The following CFAP54 variants were observed in gnomAD, a reference collection of about 807,000 sequenced individuals.
CFAP54 encodes cilia and flagella associated protein 54, also known as cilia- and flagella-associated protein 54.
CFAP54 carries 290 observed loss-of-function variants against 370.4 expected under a neutral mutation model. The ratio of observed to expected loss-of-function variants is 0.78; its 90% CI spans 0.71 to 0.86. CFAP54 has a LOEUF of 0.86. CFAP54 is among the 40% of genes least tolerant of loss of function. The pLI is 0.00. For missense variants in CFAP54, 3,399 were observed against 3,528.7 expected (o/e 0.96, Z 0.93); for synonymous variants, 1,206 against 1,236.5 (o/e 0.98, Z 0.52).
Position 96,568,949 on chromosome 12 carries a change from G to A in CFAP54, c.2619+4184G>A, listed in dbSNP as rs140243836. On this transcript the variant is annotated intron_variant, in intron 19 of 67. Transcript: ENST00000524981. ...TGGGGATTCATTTTTCCATTTTCTT[G>A]TCTTGGTTATTTGACCTCTGGAAGT... Among the ~76,000 whole-genome samples the A allele has an allele frequency of 1.0e-4, 15 of 148,696 alleles. No individual in the cohort carries two copies. In the East Asian group the frequency reaches 3.0e-3, roughly 29 times the overall value.
At chr12:96,499,982 C>CAAAAG (rs374958401) in intron 1 of CFAP54, among the ~76,000 whole-genome samples, 5 of 146,554 alleles carry the variant, frequency 3.4e-5, no homozygotes, top group African/African-American at 1.3e-4. Context: ...CAAAACAAAA[C>CAAAAG]AAAAAAAACC....
At chr12:96,492,262 C>G (rs1341587924) in intron 1 of CFAP54, among the ~76,000 whole-genome samples, 1 of 152,166 alleles carries the variant, frequency 6.6e-6, no homozygotes, top group Admixed American at 6.5e-5. Flanking sequence ...TTGGAATAAA[C>G]TTAAGAATTC....
Position 96,609,478 on chromosome 12 carries a change from T to C in CFAP54, c.3639+10711T>C, listed in dbSNP as rs547737692. ...ATTTACCAACATTTTACAGCAAATATCATACTGAATGGCAATTTTCTGGAG... is the reference window on the plus strand; with the variant it reads ...ATTTACCAACATTTTACAGCAAATACCATACTGAATGGCAATTTTCTGGAG... On this transcript the variant is annotated intron_variant, in intron 26 of 67. Transcript: ENST00000524981. Among the ~76,000 whole-genome samples, 13 of 152,302 alleles carry C rather than the reference T, an allele frequency of 8.5e-5. No homozygotes were observed. The South Asian group carries it at 1.9e-3, about 22-fold the overall frequency.
At chr12:96,803,522 G>A (rs137994042) in intron 63 of CFAP54, among the ~76,000 whole-genome samples, 71 of 152,190 alleles carry the variant, frequency 4.7e-4, no homozygotes, top group African/African-American at 1.7e-3. Context: ...CACCAGTGGG[G>A]TCTGGAGGCG....
Position 96,580,941 on chromosome 12 carries a change from G to A in CFAP54, c.2911G>A (p.Val971Ile), listed in dbSNP as rs1025059370. Residue 971 changes from valine to isoleucine, a missense_variant, in exon 22 of 68, where the codon GTT becomes ATT. Physicochemically the swap from Val to Ile is conservative, Grantham distance 29. Around this residue, in one of 3 missense-constraint regions of CFAP54, gnomAD observed 2,796 missense variants for 2,869.7 expected, o/e 0.97. Coordinates refer to ENST00000524981, the MANE Select transcript of CFAP54 (RefSeq NM_001306084.2). ...ATAGATACCAGCTGACGGTAAAAGTGTTTTTGAAGTGAAAGGTTTAGAAAC... is the reference window on the plus strand; with the variant it reads ...ATAGATACCAGCTGACGGTAAAAGTATTTTTGAAGTGAAAGGTTTAGAAAC... ...GEAIPADGKS[V>I]FEVKGLETNE... 2.2e-5 allele frequency: 33 copies of A among 1,513,240 alleles called. No individual in the cohort carries two copies. The highest frequency in any genetic ancestry group is 2.6e-5 in the Non-Finnish European group (30 of 1,136,454). The allele number at this position is 1,513,240 out of a possible 1,614,324, so 93.7% of individuals were successfully genotyped here. A position where few individuals can be genotyped will look rare whatever the true frequency, so the allele number is the denominator to read the frequency against.
rs372710737 is a variant in CFAP54, at chr12:96,686,712, C to T, written c.6014+1474C>T. On this transcript the variant is annotated intron_variant, in intron 42 of 67. Coordinates refer to ENST00000524981, the MANE Select transcript of CFAP54 (RefSeq NM_001306084.2). Reference sequence around the variant, plus strand: ...TCCACCACCATGATCCTAACACCTCCTGTCAGGCCCCACCTCCAATACTGG... The same window carrying T: ...TCCACCACCATGATCCTAACACCTCTTGTCAGGCCCCACCTCCAATACTGG... 2.0e-5 allele frequency among the ~76,000 whole-genome samples: 3 copies of T among 152,248 alleles called. 1 individual carries two copies.
chr12:96,839,938 G>T (rs1027575150), intron 66 of CFAP54, among the ~76,000 whole-genome samples: 3 of 152,214 alleles, frequency 2.0e-5, no homozygotes, highest in African/African-American at 7.2e-5. Flanking sequence ...AGCCTCACAA[G>T]AGAACGAAGT....
At chr12:96,850,769 AGCAAGAGAGAGAGCATGGCAGCAG>A (rs1242542336) in intron 66 of CFAP54, among the ~76,000 whole-genome samples, 1 of 152,208 alleles carries the variant, frequency 6.6e-6, no homozygotes, top group Non-Finnish European at 1.5e-5. Context: ...AGGGGAATCA[AGCAAGAGAGAGAGCATGGCAGCAG>A]GCAAGAGAGA....
At chr12:96,546,512 G>A (rs1955641807) in intron 14 of CFAP54, among the ~76,000 whole-genome samples, 1 of 151,974 alleles carries the variant, frequency 6.6e-6, no homozygotes, top group Non-Finnish European at 1.5e-5. Flanking sequence ...TCTACATTAT[G>A]CATTACTGAT....
chr12:96,551,578 T>G (rs1017598782), intron 15 of CFAP54, among the ~76,000 whole-genome samples: 3 of 151,602 alleles, frequency 2.0e-5, no homozygotes, highest in Non-Finnish European at 4.4e-5. Flanking sequence ...CCAGGATGAT[T>G]TAACACTAGA....
rs1565905454 is a variant in CFAP54, at chr12:96,589,472, T to C, written c.3121T>C (p.Ser1041Pro). The change falls in exon 23 of 68, where the codon TCA becomes CCA. Residue 1041 changes from serine to proline, a missense_variant. Around this residue, in one of 3 missense-constraint regions of CFAP54, gnomAD observed 2,796 missense variants for 2,869.7 expected, o/e 0.97. Transcript: ENST00000524981. ...CTATGAATTGGCTAAGAAAGTTTTC[T>C]CACCAGTTTGGGATTATTTTGTTGC... Reference protein sequence around the residue: ...GNYELAKKVFSPVWDYFVASP... With the variant: ...GNYELAKKVFPPVWDYFVASP... The C allele has an allele frequency of 3.3e-6, 5 of 1,532,258 alleles. No individual in the cohort carries two copies. The highest frequency in any genetic ancestry group is 1.7e-4 in the Middle Eastern group (1 of 5,982). 94.9% of individuals were successfully genotyped at this position (1,532,258 alleles called of 1,614,324 possible).
chr12:96,693,250 T>C (rs1957404812), intron 44 of CFAP54, among the ~76,000 whole-genome samples: 1 of 152,244 alleles, frequency 6.6e-6, no homozygotes, highest in African/African-American at 2.4e-5. Flanking sequence ...AGACAAATTC[T>C]AATTGAAGAC....
chr12:96,782,704 T>G (rs1040249584), intron 60 of CFAP54, among the ~76,000 whole-genome samples: 1 of 152,138 alleles, frequency 6.6e-6, no homozygotes, highest in Non-Finnish European at 1.5e-5. Context: ...AGTTCAGTAG[T>G]TTTATTTTGT....
intron 15 of CFAP54, among the ~76,000 whole-genome samples, chr12:96,552,714 C>A (rs1851901183): frequency 6.6e-6 from 1 of 152,184 alleles, no homozygotes; most frequent in African/African-American, 2.4e-5. Context: ...CCAAGTAACA[C>A]CATTTCATTG....
intron 66 of CFAP54, among the ~76,000 whole-genome samples, chr12:96,842,598 CA>C (rs765510414): frequency 4.0e-5 from 6 of 151,160 alleles, no homozygotes; most frequent in South Asian, 2.1e-4. Context: ...TTTTGATGAA[CA>C]AAAAAAAATT....
chr12:96,721,317 T>A (rs1271545580), intron 50 of CFAP54, among the ~76,000 whole-genome samples: 1 of 152,242 alleles, frequency 6.6e-6, no homozygotes, highest in East Asian at 1.9e-4. Context: ...ATTATTTAAA[T>A]GTGCTGCAAT....
chr12:96,677,264 A>G (rs1470661709), intron 39 of CFAP54, among the ~76,000 whole-genome samples: 1 of 151,772 alleles, frequency 6.6e-6, no homozygotes, highest in Non-Finnish European at 1.5e-5. Context: ...TCCCTGCCTC[A>G]TCCTCCCAAA....
chr12:96,641,941 G>T (rs534557500), intron 32 of CFAP54, among the ~76,000 whole-genome samples: 11 of 147,524 alleles, frequency 7.5e-5, no homozygotes, highest in African/African-American at 1.9e-4. Flanking sequence ...GGTGGTGCGG[G>T]GGGGGAGGGA....
intron 17 of CFAP54, among the ~76,000 whole-genome samples, chr12:96,558,143 T>C (rs1450873488): frequency 6.6e-6 from 1 of 152,174 alleles, no homozygotes; most frequent in East Asian, 1.9e-4. Flanking sequence ...TTTACATGTG[T>C]TCATGATATT....
Sources: gnomAD v4.1 joint callset for allele counts (sites outside exome capture counted in the v4.1 genomes callset) on GRCh38, gnomAD v4.1.1 for gene constraint, gnomAD v4.1.1 regional missense constraint, MANE v1.5 for transcripts, NCBI Gene and HGNC (gene_info 2026-07-23, HGNC 2026-07-21) for gene names.